Variants in PTPRD observed in about 807,000 individuals in gnomAD.
PTPRD encodes the protein protein tyrosine phosphatase receptor type D.
PTPRD carries 34 observed loss-of-function variants against 214.5 expected under a neutral mutation model. That is an observed-to-expected ratio of 0.16 (90% CI 0.12 to 0.21). The LOEUF is 0.21. Among genes scored for constraint, PTPRD ranks in the 10% least tolerant of loss-of-function variants. The pLI is 1.00. For missense variants in PTPRD, 2,545 were observed against 2,398.7 expected (o/e 1.06, Z -1.27); for synonymous variants, 1,128 against 845.7 (o/e 1.33, Z -5.79).
intron 7 of PTPRD, among the ~76,000 whole-genome samples, chr9:9,648,650 T>C (rs2096257536): frequency 6.6e-6 from 1 of 152,214 alleles, no homozygotes; most frequent in Non-Finnish European, 1.5e-5. Context: ...TAAGGAGTTG[T>C]AGCACAAAAC....
chr9:8,721,906 T>A (rs1212100926), intron 12 of PTPRD, among the ~76,000 whole-genome samples: 1 of 152,200 alleles, frequency 6.6e-6, no homozygotes, highest in Non-Finnish European at 1.5e-5. Flanking sequence ...TAACCTCTGC[T>A]CCAACCTTCT....
intron 3 of PTPRD, among the ~76,000 whole-genome samples, chr9:10,222,727 G>T (rs1477413347): frequency 6.6e-6 from 1 of 152,004 alleles, no homozygotes; most frequent in East Asian, 1.9e-4. Context: ...ATGGTCAAAT[G>T]ACTATGCAAT....
chr9:9,110,011 G>A (rs1283173499), intron 10 of PTPRD, among the ~76,000 whole-genome samples: 1 of 152,102 alleles, frequency 6.6e-6, no homozygotes, highest in Middle Eastern at 3.2e-3. Context: ...CAAACCAGGA[G>A]CTCCAAAGAG....
At chr9:10,369,479 C>A (rs2097572710) in intron 2 of PTPRD, among the ~76,000 whole-genome samples, 1 of 151,870 alleles carries the variant, frequency 6.6e-6, no homozygotes, top group African/African-American at 2.4e-5. Context: ...ATACGAACAG[C>A]CACAATTGTA....
intron 2 of PTPRD, among the ~76,000 whole-genome samples, chr9:10,514,778 A>G (rs1486976823): frequency 6.6e-6 from 1 of 152,050 alleles, no homozygotes; most frequent in Non-Finnish European, 1.5e-5. Context: ...CAGATTTAAT[A>G]GGCATCACAG....
intron 2 of PTPRD, among the ~76,000 whole-genome samples, chr9:10,400,683 AAAT>A (rs1303342064): frequency 3.3e-5 from 5 of 151,630 alleles, no homozygotes; most frequent in Admixed American, 2.0e-4. Flanking sequence ...TTTCTAAAAA[AAAT>A]AATAATAATC....
chr9:8,797,876 T>C (rs2096478450), intron 11 of PTPRD, among the ~76,000 whole-genome samples: 2 of 151,868 alleles, frequency 1.3e-5, no homozygotes, highest in Non-Finnish European at 2.9e-5. Context: ...AGAATTTTTT[T>C]TTTTTTTCAT....
intron 3 of PTPRD, among the ~76,000 whole-genome samples, chr9:10,208,644 A>C (rs1387317103): frequency 1.3e-5 from 2 of 152,246 alleles, no homozygotes. Context: ...AATCCTTGGG[A>C]GTCTGCTCCC....
intron 2 of PTPRD, among the ~76,000 whole-genome samples, chr9:10,464,032 AAAGTAT>A (rs1350351250): frequency 3.9e-5 from 6 of 151,970 alleles, no homozygotes; most frequent in African/African-American, 1.4e-4. Context: ...CTGTTAGCAT[AAAGTAT>A]AAGTACAAAT....
intron 27 of PTPRD, 26 bp downstream of exon 27, chr9:8,492,836 G>T (rs1244431072): frequency 1.3e-6 from 2 of 1,544,216 alleles, no homozygotes; most frequent in Non-Finnish European, 1.8e-6. Context: ...ACTGTTCAAG[G>T]CACATACATG....
intron 2 of PTPRD, among the ~76,000 whole-genome samples, chr9:10,590,454 CT>C (rs1263717470): frequency 2.6e-5 from 4 of 151,934 alleles, no homozygotes; most frequent in African/African-American, 9.7e-5. Context: ...CCACTTGCTC[CT>C]TTATAGTCAA....
chr9:10,230,436 G>GTATGTATC (rs1554901385), intron 3 of PTPRD, among the ~76,000 whole-genome samples: 3 of 140,636 alleles, frequency 2.1e-5, no homozygotes, highest in Admixed American at 7.0e-5. Flanking sequence ...ATGTATCTAT[G>GTATGTATC]TATCTATCTA....
chr9:10,121,782 A>C (rs2098777535), intron 3 of PTPRD, among the ~76,000 whole-genome samples: 1 of 152,154 alleles, frequency 6.6e-6, no homozygotes, highest in Non-Finnish European at 1.5e-5. Context: ...CTTTGTAGGT[A>C]CCATCCTGTT....
At chr9:9,370,005 T>G (rs2059008842) in intron 9 of PTPRD, among the ~76,000 whole-genome samples, 1 of 152,200 alleles carries the variant, frequency 6.6e-6, no homozygotes, top group Non-Finnish European at 1.5e-5. Context: ...GATGTTTTCG[T>G]TACTGTAGCC....
intron 7 of PTPRD, among the ~76,000 whole-genome samples, chr9:9,722,235 C>T (rs1245205800): frequency 6.6e-6 from 1 of 151,990 alleles, no homozygotes; most frequent in African/African-American, 2.4e-5. Context: ...TATCAGCAGA[C>T]AGCCTCTTCT....
chr9:10,140,700 A>C (rs921467402), intron 3 of PTPRD, among the ~76,000 whole-genome samples: 15 of 152,118 alleles, frequency 9.9e-5, no homozygotes, highest in Non-Finnish European at 1.8e-4. Context: ...TCCTTCTGAA[A>C]CTATTCCAAT....
intron 36 of PTPRD, among the ~76,000 whole-genome samples, chr9:8,398,368 T>C (rs1207426052): frequency 6.6e-6 from 1 of 152,156 alleles, no homozygotes; most frequent in Non-Finnish European, 1.5e-5. Flanking sequence ...TCGGATGCGT[T>C]ATCAGGAAAG....
At chr9:10,261,731 G>A (rs1355169644) in intron 3 of PTPRD, among the ~76,000 whole-genome samples, 6 of 152,134 alleles carry the variant, frequency 3.9e-5, no homozygotes, top group African/African-American at 7.2e-5. Flanking sequence ...AGTAAGAAAC[G>A]AATGGAATCA....
Position 8,465,469 on chromosome 9 carries a change from C to G in PTPRD, c.3711G>C (p.Glu1237Asp). 6.2e-7 allele frequency: 1 copy of G among 1,611,426 alleles called. No homozygotes were observed. Among genetic ancestry groups the G allele is most frequent in the Non-Finnish European group, 8.5e-7 (1 of 1,178,160 alleles). ...FFVLAVMEHA[E>D]SKMYATSPYS... ...GATGCCATCATAATTAACTTACAGA[C>G]TCTGCATGTTCCATTACTGCTAACA... The change falls in exon 32 of 46, where the codon GAG becomes GAC. Residue 1237 changes from glutamate to aspartate, a missense_variant. Physicochemically the swap from Glu to Asp is conservative, Grantham distance 45 (BLOSUM62 2). Transcript: ENST00000381196.
Sources: allele counts gnomAD v4.1 joint callset (sites outside exome capture counted in the v4.1 genomes callset), GRCh38; gene constraint gnomAD v4.1.1; transcripts MANE v1.5; gene names NCBI Gene and HGNC (gene_info 2026-07-23, HGNC 2026-07-21).